The following SLC3A2 variants were observed in gnomAD, a reference collection of about 807,000 sequenced individuals.
SLC3A2 encodes the protein amino acid transporter heavy chain SLC3A2.
Under a neutral mutation model 48.5 loss-of-function variants are expected in SLC3A2, and 32 were observed. That is an observed-to-expected ratio of 0.66 (90% CI 0.50 to 0.89). The LOEUF (loss-of-function observed/expected upper bound fraction) is 0.89. SLC3A2 is among the 40% of genes least tolerant of loss of function. The pLI is 0.00. For synonymous variants in SLC3A2, 277 were observed against 288.8 expected (o/e 0.96, Z 0.41); for missense variants, 587 against 680.7 (o/e 0.86, Z 1.53).
chr11:62,859,028 T>C (rs2085369353), intron 1 of SLC3A2, among the ~76,000 whole-genome samples: 1 of 152,130 alleles, frequency 6.6e-6, no homozygotes, highest in African/African-American at 2.4e-5. Flanking sequence ...GAGGCATGCC[T>C]TCCTCTTATA....
At chr11:62,873,148 G>A (rs191652238) in intron 1 of SLC3A2, among the ~76,000 whole-genome samples, 21 of 150,630 alleles carry the variant, frequency 1.4e-4, no homozygotes, top group Non-Finnish European at 2.5e-4. Flanking sequence ...TCAGCCTCCC[G>A]AGTAGCTGGG....
upstream of SLC3A2, chr11:62,880,322 A>G (rs922453940): frequency 6.6e-6 from 1 of 152,318 alleles, no homozygotes; most frequent in African/African-American, 2.4e-5. Flanking sequence ...ATTTCTTGAA[A>G]TGAATTCAAG....
intron 1 of SLC3A2, among the ~76,000 whole-genome samples, chr11:62,866,977 TTTTTTCTTCTTTTTC>T (rs1227950230): frequency 6.6e-6 from 1 of 152,110 alleles, no homozygotes; most frequent in African/African-American, 2.4e-5. Flanking sequence ...CTGCTATTTC[TTTTTTCTTCTTTTTC>T]TTTTTCTTTC....
intron 1 of SLC3A2, among the ~76,000 whole-genome samples, chr11:62,875,494 C>T (rs1460493220): frequency 6.6e-6 from 1 of 152,168 alleles, no homozygotes; most frequent in African/African-American, 2.4e-5. Context: ...TGAGATCGCA[C>T]CACTGTACTC....
At chr11:62,869,053 C>T (rs1178240241) in intron 1 of SLC3A2, among the ~76,000 whole-genome samples, 1 of 151,884 alleles carries the variant, frequency 6.6e-6, no homozygotes, top group African/African-American at 2.4e-5. Context: ...CTTGCACCAC[C>T]ACGCCCCGCT....
At chr11:62,874,750 C>G (rs949834020) in intron 1 of SLC3A2, among the ~76,000 whole-genome samples, 3 of 151,902 alleles carry the variant, frequency 2.0e-5, no homozygotes, top group Non-Finnish European at 4.4e-5. Flanking sequence ...CAATTCCTCA[C>G]CCATCTTTCC....
At position 62,881,946 on chromosome 11, in the gene SLC3A2, C is replaced by T; in HGVS notation, c.478C>T (p.Leu160=). 1 of 1,614,194 alleles carries T rather than the reference C, an allele frequency of 6.2e-7. No individual in the cohort carries two copies. Among genetic ancestry groups the T allele is most frequent in the Non-Finnish European group, 8.5e-7 (1 of 1,180,040 alleles). The change falls in exon 2 of 9, where the codon CTG becomes TTG. Residue 160 remains leucine, a synonymous_variant. Coordinates refer to ENST00000338663, the MANE Select transcript of SLC3A2 (RefSeq NM_001013251.3). This position sits in a 1 kb window ranked among gnomAD's most constrained non-coding sequence, Gnocchi z 4.0. Reference sequence around the variant, plus strand: ...CTCTCTGAAGGTGAAGGGCCTTGTGCTGGGTCCAATTCACAAGAACCAGAA... The same window carrying T: ...CTCTCTGAAGGTGAAGGGCCTTGTGTTGGGTCCAATTCACAAGAACCAGAA... ...LSSLKVKGLV[L]GPIHKNQKDD...
chr11:62,856,351 G>A lies in SLC3A2; in HGVS notation c.82G>A (p.Val28Ile), dbSNP rs751439233. The A allele has an allele frequency of 2.5e-6, 4 of 1,612,726 alleles. No individual in the cohort carries two copies. In the East Asian group the frequency reaches 6.7e-5, roughly 27 times the overall value. Residue 28 changes from valine to isoleucine, a missense_variant, in exon 1 of 10, where the codon GTC (valine) becomes ATC (isoleucine). Physicochemically the swap from Val to Ile is conservative, Grantham distance 29 (BLOSUM62 3). Coordinates refer to the SLC3A2 transcript ENST00000377889. The stretch of plus-strand genomic sequence containing the variant: ...GCCTGGCTCACATTCGGAGGCTGGT[G>A]TCCAGGGTCTCAGCGCGGGGGACGA...
chr11:62,882,295 C>G (rs1381480584), intron 2 of SLC3A2: 2 of 527,886 alleles, frequency 3.8e-6, no homozygotes, highest in African/African-American at 3.8e-5. Context: ...GCTTCAGTGC[C>G]CTTATTTGCA....
chr11:62,882,162 C>G, intron 2 of SLC3A2, 96 bp downstream of exon 2: 1 of 1,428,980 alleles, frequency 7.0e-7, no homozygotes, highest in South Asian at 1.2e-5. Context: ...CTAACTGGCT[C>G]TGAGTTTTCC....
intron 1 of SLC3A2, among the ~76,000 whole-genome samples, chr11:62,864,501 C>G (rs1353023323): frequency 6.6e-6 from 1 of 152,080 alleles, no homozygotes; most frequent in East Asian, 1.9e-4. Context: ...GAGTCTCGCT[C>G]TGTCGCCCAG....
Position 62,856,438 on chromosome 11 carries a change from G to A in SLC3A2, c.112+57G>A, listed in dbSNP as rs188205777. On this transcript the variant is annotated intron_variant, in intron 1 of 9. Transcript: ENST00000377889. Reference sequence around the variant, plus strand: ...GTCCCCTTTGGTGGGGCCATTTCGGGAAAGTATGTCAGGACGTAAGTGCTT... The same window carrying A: ...GTCCCCTTTGGTGGGGCCATTTCGGAAAAGTATGTCAGGACGTAAGTGCTT... The A allele has an allele frequency of 1.0e-3, 1,480 of 1,465,280 alleles. 19 individuals carry two copies. In the Middle Eastern group the frequency reaches 0.03, roughly 30 times the overall value. 90.8% of individuals were successfully genotyped at this position (1,465,280 alleles called of 1,614,324 possible).
Position 62,881,286 on chromosome 11 carries a change from TCTGGCTCGG to T in SLC3A2, c.274_282del (p.Trp92_Gly94del), listed in dbSNP as rs2085634265. 1 of 1,590,250 alleles carries T rather than the reference TCTGGCTCGG, an allele frequency of 6.3e-7. No homozygotes were observed. Among genetic ancestry groups the T allele is most frequent in the Non-Finnish European group, 8.5e-7 (1 of 1,170,202 alleles). ...ACCCGCTGGGCACTGCTGCTGCTCT[TCTGGCTCGG>T]CTGGCTCGGCATGCTTGCTGGTGCC... is the stretch of plus-strand genomic sequence containing the variant. On this transcript the variant is annotated inframe_deletion, in exon 1 of 9. Transcript: ENST00000338663. The surrounding 1 kb of genome is among the most constrained non-coding windows in gnomAD (Gnocchi z 4.0).
In SLC3A2 at chr11:62,881,459, G is replaced by C; in HGVS notation, c.424+12G>C. Reference sequence around the variant, plus strand: ...GGGCAACCTGGCGGGTGAGTGCAGCGCGCCCCCGTCCCGGGTACCTCCGGT... The same window carrying C: ...GGGCAACCTGGCGGGTGAGTGCAGCCCGCCCCCGTCCCGGGTACCTCCGGT... On this transcript the variant is annotated intron_variant, in intron 1 of 8. Coordinates refer to ENST00000338663, the MANE Select transcript of SLC3A2 (RefSeq NM_001013251.3). The surrounding 1 kb of genome is among the most constrained non-coding windows in gnomAD (Gnocchi z 4.0). 6.4e-7 allele frequency: 1 copy of C among 1,567,080 alleles called. No individual in the cohort carries two copies. The highest frequency in any genetic ancestry group is 8.6e-7 in the Non-Finnish European group (1 of 1,164,744).
intron 3 of SLC3A2, 48 bp downstream of exon 3, chr11:62,883,047 G>A: frequency 4.5e-6 from 7 of 1,560,952 alleles, no homozygotes; most frequent in Non-Finnish European, 6.2e-6. Flanking sequence ...CTGGGGCTGG[G>A]ACAGTCCTTT....
In SLC3A2 at chr11:62,882,078, GGGGTTCCCAAGGAA is replaced by G. The variant is rs763332541; in HGVS notation, c.598+13_598+26del. Reference sequence around the variant, plus strand: ...GGCTAAAAAAAAGAGTGGGTATCCTGGGGTTCCCAAGGAAACAGCTAGAAAGGACTTGGCCAGAG... The same window carrying G: ...GGCTAAAAAAAAGAGTGGGTATCCTGACAGCTAGAAAGGACTTGGCCAGAG... On this transcript the variant is annotated intron_variant, in intron 2 of 8. Coordinates refer to ENST00000338663, the MANE Select transcript of SLC3A2 (RefSeq NM_001013251.3). 1 of 1,613,836 alleles carries G rather than the reference GGGGTTCCCAAGGAA, an allele frequency of 6.2e-7. No individual in the cohort carries two copies. The highest frequency in any genetic ancestry group is 8.5e-7 in the Non-Finnish European group (1 of 1,179,902).
intron 1 of SLC3A2, among the ~76,000 whole-genome samples, chr11:62,867,874 G>T (rs1305907647): frequency 2.6e-5 from 4 of 151,492 alleles, no homozygotes; most frequent in Non-Finnish European, 5.9e-5. Flanking sequence ...ATTCTAGTTA[G>T]AAATTTTCTA....
chr11:62,880,805 C>T (rs984463908), upstream of SLC3A2: 35 of 976,080 alleles, frequency 3.6e-5, no homozygotes, highest in Non-Finnish European at 4.9e-5. Flanking sequence ...GAGCCGCCCA[C>T]GGCTGGGGCA....
chr11:62,882,191 G>A (rs1401897509), intron 2 of SLC3A2, 125 bp downstream of exon 2: 4 of 1,087,224 alleles, frequency 3.7e-6, no homozygotes, highest in East Asian at 2.5e-5. Flanking sequence ...GTAGAGGGGA[G>A]ATTTGTTAGT....
Sources: allele counts gnomAD v4.1 joint callset (sites outside exome capture counted in the v4.1 genomes callset), GRCh38; gene constraint gnomAD v4.1.1; non-coding constraint Gnocchi (gnomAD v3.1); transcripts MANE v1.5; gene names NCBI Gene and HGNC (gene_info 2026-07-23, HGNC 2026-07-21).